STAU2: variants seen among roughly 807,000 people sequenced by gnomAD.
The protein encoded by STAU2 is double-stranded RNA-binding protein Staufen homolog 2.
In STAU2, 20 loss-of-function variants were observed where a neutral mutation model predicts 65.9. The ratio of observed to expected loss-of-function variants is 0.30; its 90% confidence interval spans 0.21 to 0.44. The LOEUF is 0.44. Ranked by LOEUF, STAU2 falls within the 20% of genes least tolerant of loss-of-function variation. STAU2 has a pLI of 1.00. For synonymous variants in STAU2, 232 were observed against 233.9 expected (o/e 0.99, Z 0.07); for missense variants, 558 against 683.9 (o/e 0.82, Z 2.05).
At chr8:73,734,316 G>A (rs575256215) in intron 3 of STAU2, among the ~76,000 whole-genome samples, 84 of 141,954 alleles carry the variant, frequency 5.9e-4, no homozygotes, top group Middle Eastern at 7.9e-3. Context: ...ATTCTTAAAA[G>A]GCAAAAACAA....
At chr8:73,439,354 T>A in intron 13 of STAU2, 1 of 279,580 alleles carries the variant, frequency 3.6e-6, no homozygotes, top group South Asian at 3.5e-5. Flanking sequence ...TGGTGGCTCA[T>A]GCCTGTAATC....
At chr8:73,726,860 T>C (rs1340146704) in intron 3 of STAU2, among the ~76,000 whole-genome samples, 1 of 152,230 alleles carries the variant, frequency 6.6e-6, no homozygotes, top group Non-Finnish European at 1.5e-5. Context: ...CTATGGGTCA[T>C]ATTTTCATTC....
At chr8:73,422,003 A>G (rs1003944371) in intron 14 of STAU2, among the ~76,000 whole-genome samples, 2 of 151,898 alleles carry the variant, frequency 1.3e-5, no homozygotes, top group Middle Eastern at 3.4e-3. Flanking sequence ...AGAGACCCCA[A>G]ATTCAGTCTC....
At chr8:73,682,636 A>C (rs529102255) in intron 5 of STAU2, among the ~76,000 whole-genome samples, 30 of 152,274 alleles carry the variant, frequency 2.0e-4, no homozygotes, top group Middle Eastern at 6.8e-3. Context: ...AACTAAATGA[A>C]ATTGAAACAA....
intron 13 of STAU2, among the ~76,000 whole-genome samples, chr8:73,451,834 T>C (rs1818815558): frequency 6.6e-6 from 1 of 152,196 alleles, no homozygotes; most frequent in Admixed American, 6.5e-5. Flanking sequence ...TGCTAGGAAG[T>C]GCAGGTTCAA....
intron 13 of STAU2, among the ~76,000 whole-genome samples, chr8:73,480,979 A>C (rs1820578195): frequency 6.6e-6 from 1 of 152,162 alleles, no homozygotes; most frequent in Admixed American, 6.5e-5. Flanking sequence ...AATATTTTAA[A>C]ATTCTTGTCA....
Position 73,701,273 on chromosome 8 carries a change from A to C in STAU2, c.114+7759T>G, listed in dbSNP as rs550182024. ...AGGCAACCAAAGCAACAATGGACAA[A>C]TGGGATCACATCAAGTTAAAAACCT... On this transcript the variant is annotated intron_variant, in intron 4 of 14. Transcript: ENST00000524300. Among the ~76,000 whole-genome samples, 3 of 152,256 alleles carry C rather than the reference A, an allele frequency of 2.0e-5. No individual in the cohort carries two copies. The South Asian group carries it at 6.2e-4, about 32-fold the overall frequency.
rs541378678 is a variant in STAU2, at chr8:73,421,321, G to A, written c.*51C>T. 1.2e-5 allele frequency: 18 copies of A among 1,468,514 alleles called. No individual in the cohort carries two copies. Among genetic ancestry groups the A allele is most frequent in the South Asian group, 6.1e-5 (5 of 82,600 alleles). The allele number at this position is 1,468,514 out of a possible 1,614,324, so 91.0% of individuals were successfully genotyped here. A position where few individuals can be genotyped will look rare whatever the true frequency, so the allele number is the denominator to read the frequency against. On this transcript the variant is annotated 3_prime_UTR_variant, in exon 15 of 15. Coordinates refer to ENST00000524300, the MANE Select transcript of STAU2 (RefSeq NM_001164380.2). Reference sequence around the variant, plus strand: ...TCCCTGAACACAGACACCCTCATGCGTGCTGACAGGTTTATAAGGATGCGG... The same window carrying A: ...TCCCTGAACACAGACACCCTCATGCATGCTGACAGGTTTATAAGGATGCGG...
chr8:73,584,975 T>C (rs1307741026), intron 11 of STAU2, among the ~76,000 whole-genome samples: 1 of 152,208 alleles, frequency 6.6e-6, no homozygotes, highest in East Asian at 1.9e-4. Flanking sequence ...TATTCATACC[T>C]CCAAAACATA....
intron 12 of STAU2, among the ~76,000 whole-genome samples, chr8:73,577,191 G>A (rs921522602): frequency 5.9e-5 from 9 of 152,240 alleles, no homozygotes; most frequent in African/African-American, 2.2e-4. Flanking sequence ...CACTTTGGGA[G>A]GCCAAGGTGG....
chr8:73,684,239 C>T (rs746955636), intron 5 of STAU2, among the ~76,000 whole-genome samples: 15 of 152,022 alleles, frequency 9.9e-5, no homozygotes, highest in African/African-American at 2.4e-4. Flanking sequence ...CAAAACAGCA[C>T]GATACTGCTA....
At chr8:73,549,944 C>A (rs1807205827) in intron 13 of STAU2, 1 of 985,678 alleles carries the variant, frequency 1.0e-6, no homozygotes, top group South Asian at 4.7e-5. Flanking sequence ...GGTAAATATA[C>A]CTGAGAGGGT....
intron 11 of STAU2, among the ~76,000 whole-genome samples, chr8:73,585,661 C>A (rs1306780100): frequency 6.6e-6 from 1 of 152,158 alleles, no homozygotes; most frequent in Non-Finnish European, 1.5e-5. Flanking sequence ...AAAGGAGAAA[C>A]CCAGCAAGCA....
At chr8:73,546,695 T>C (rs1057029981) in intron 13 of STAU2, among the ~76,000 whole-genome samples, 11 of 152,204 alleles carry the variant, frequency 7.2e-5, no homozygotes, top group Middle Eastern at 3.4e-3. Flanking sequence ...AAGAGAACAA[T>C]ACATATGAAA....
chr8:73,701,944 C>T (rs1010992348), intron 4 of STAU2, among the ~76,000 whole-genome samples: 1 of 151,946 alleles, frequency 6.6e-6, no homozygotes, highest in Admixed American at 6.6e-5. Context: ...TAGAACTGGA[C>T]GTCACTATGT....
intron 13 of STAU2, among the ~76,000 whole-genome samples, chr8:73,486,570 A>G (rs1302220447): frequency 6.7e-6 from 1 of 150,128 alleles, no homozygotes; most frequent in Non-Finnish European, 1.5e-5. Context: ...CATGACCGCT[A>G]ATTTTAGAAA....
chr8:73,443,474 G>A (rs73318764), intron 13 of STAU2, among the ~76,000 whole-genome samples: 3,265 of 152,316 alleles, frequency 0.021, 111 homozygotes, highest in African/African-American at 0.076. Context: ...GTAAATGTAA[G>A]TAGTAGTCAT....
rs115773610 is a variant in STAU2, at chr8:73,696,234, T to C, written c.115-7421A>G. The stretch of plus-strand genomic sequence containing the variant: ...TGTTGGGCTTGGGGCCCAAGTCCCT[T>C]CAAATTCCTGGGAAAGCCTTCCCAA... On this transcript the variant is annotated intron_variant, in intron 4 of 14. Transcript: ENST00000524300. Among the ~76,000 whole-genome samples, 1,107 of 152,322 alleles carry C rather than the reference T, an allele frequency of 7.3e-3. 11 individuals are homozygous for C. The highest frequency in any genetic ancestry group is 0.025 in the African/African-American group (1,046 of 41,568).
intron 6 of STAU2, among the ~76,000 whole-genome samples, chr8:73,642,526 TA>T (rs76887476): frequency 0.28 from 41,428 of 145,506 alleles, 6,112 homozygotes; most frequent in East Asian, 0.45. Flanking sequence ...CGTCCAAAAA[TA>T]AAAAAAAAAA....
Sources: gnomAD v4.1 joint callset for allele counts (sites outside exome capture counted in the v4.1 genomes callset) on GRCh38, gnomAD v4.1.1 for gene constraint, MANE v1.5 for transcripts, NCBI Gene and HGNC (gene_info 2026-07-23, HGNC 2026-07-21) for gene names.